PDSS2: variants seen among roughly 807,000 people sequenced by gnomAD.
The protein encoded by PDSS2 is decaprenyl diphosphate synthase subunit 2.
PDSS2 carries 31 observed loss-of-function variants against 44.5 expected under a neutral mutation model. The observed-to-expected ratio is 0.70, with a 90% CI of 0.52 to 0.94. The LOEUF is 0.94. Among genes scored for constraint, PDSS2 ranks in the 40% least tolerant of loss-of-function variants. PDSS2 has a pLI of 0.00. For missense variants in PDSS2, 452 were observed against 482.2 expected (o/e 0.94, Z 0.59); for synonymous variants, 157 against 180.3 (o/e 0.87, Z 1.03).
intron 1 of PDSS2, among the ~76,000 whole-genome samples, chr6:107,451,518 C>CTCG (rs1171990600): frequency 1.3e-5 from 2 of 152,156 alleles, no homozygotes; most frequent in Non-Finnish European, 2.9e-5. Context: ...GCATAAACCC[C>CTCG]TCGTAGCCTC....
chr6:107,282,884 AAG>A (rs1491239344), intron 2 of PDSS2, among the ~76,000 whole-genome samples: 36 of 150,366 alleles, frequency 2.4e-4, no homozygotes, highest in African/African-American at 8.7e-4. Flanking sequence ...AAAAAAAAAA[AAG>A]AAGAATTTTT....
intron 4 of PDSS2, among the ~76,000 whole-genome samples, chr6:107,220,498 A>T (rs766145488): frequency 6.6e-6 from 1 of 152,050 alleles, no homozygotes; most frequent in Non-Finnish European, 1.5e-5. Context: ...ATGTATATAT[A>T]TCAATATATA....
chr6:107,307,600 T>C (rs1776903242), intron 2 of PDSS2, among the ~76,000 whole-genome samples: 1 of 152,038 alleles, frequency 6.6e-6, no homozygotes, highest in Non-Finnish European at 1.5e-5. Flanking sequence ...AACTGTGCAA[T>C]GTCTTTATAC....
chr6:107,406,637 A>G (rs919098864), intron 1 of PDSS2, among the ~76,000 whole-genome samples: 2 of 152,248 alleles, frequency 1.3e-5, no homozygotes, highest in African/African-American at 4.8e-5. Context: ...CATAACTGAG[A>G]CTAGTGATAC....
At position 107,212,214 on chromosome 6, in the gene PDSS2, G is replaced by C; in HGVS notation, c.771C>G (p.Ala257=). 6.2e-7 allele frequency: 1 copy of C among 1,613,694 alleles called. No individual in the cohort carries two copies. Among genetic ancestry groups the C allele is most frequent in the Non-Finnish European group, 8.5e-7 (1 of 1,179,654 alleles). ...CAGCTTGGCAGCTCTTTGCTAGTAA[G>C]GCACCATGGGAGAGAAAAGTCTGCT... ...WKEQTFLSHG[A]LLAKSCQAAM... Residue 257 remains alanine (A), a synonymous_variant, in exon 5 of 8, where the codon GCC becomes GCG. Transcript: ENST00000369037.
intron 1 of PDSS2, among the ~76,000 whole-genome samples, chr6:107,407,069 A>G (rs376437685): frequency 6.6e-6 from 1 of 152,236 alleles, no homozygotes. Flanking sequence ...AGAGATGAAC[A>G]GATAAACAAA....
At chr6:107,378,930 C>T (rs1779373976) in intron 1 of PDSS2, among the ~76,000 whole-genome samples, 1 of 152,168 alleles carries the variant, frequency 6.6e-6, no homozygotes, top group Non-Finnish European at 1.5e-5. Context: ...TACATAAAAT[C>T]GCCATGATTT....
In PDSS2 at chr6:107,429,899, AAAATATATATATATATATATAT is replaced by A. The variant is rs1279629617; in HGVS notation, c.296+29069_296+29090del. ...AACTTAGTCTCAAAAAAAAAAAAAAAAAATATATATATATATATATATATATATATATATATATACACCAAAC... is the reference window on the plus strand; with the variant it reads ...AACTTAGTCTCAAAAAAAAAAAAAAAATATATATATATATATACACCAAAC... On this transcript the variant is annotated intron_variant, in intron 1 of 7. Coordinates refer to ENST00000369037, the MANE Select transcript of PDSS2 (RefSeq NM_020381.4). 3.4e-4 allele frequency among the ~76,000 whole-genome samples: 14 copies of A among 41,406 alleles called. No individual in the cohort carries two copies. In the East Asian group the frequency reaches 3.8e-3, roughly 11 times the overall value. 27.2% of individuals were successfully genotyped at this position (41,406 alleles called of 152,430 possible). A position where few individuals can be genotyped will look rare whatever the true frequency, so the allele number is the denominator to read the frequency against.
chr6:107,239,867 C>T (rs1225706880), intron 4 of PDSS2, among the ~76,000 whole-genome samples: 2 of 151,992 alleles, frequency 1.3e-5, no homozygotes, highest in African/African-American at 4.8e-5. Flanking sequence ...GTCTCGAACT[C>T]CTAACCTCAA....
chr6:107,272,940 T>TA (rs1262314864), intron 3 of PDSS2, among the ~76,000 whole-genome samples: 4 of 151,980 alleles, frequency 2.6e-5, no homozygotes, highest in Non-Finnish European at 5.9e-5. Flanking sequence ...TTATTTTTTT[T>TA]ATTTTTATTT....
chr6:107,455,396 A>T (rs144924783), intron 1 of PDSS2, among the ~76,000 whole-genome samples: 2 of 151,868 alleles, frequency 1.3e-5, no homozygotes, highest in East Asian at 3.9e-4. Flanking sequence ...GCAATACTAC[A>T]GCCCCTATCA....
chr6:107,260,042 A>G (rs1476410848), intron 3 of PDSS2, among the ~76,000 whole-genome samples: 2 of 152,196 alleles, frequency 1.3e-5, no homozygotes, highest in Non-Finnish European at 2.9e-5. Flanking sequence ...AATGACAACA[A>G]ACAATTTAAT....
intron 1 of PDSS2, among the ~76,000 whole-genome samples, chr6:107,352,897 ACT>A (rs2115341602): frequency 6.6e-6 from 1 of 152,120 alleles, no homozygotes; most frequent in African/African-American, 2.4e-5. Context: ...AGGTTGAGAA[ACT>A]CTGATTTAGA....
chr6:107,411,383 C>A (rs757887037), intron 1 of PDSS2, among the ~76,000 whole-genome samples: 12 of 152,194 alleles, frequency 7.9e-5, no homozygotes, highest in Non-Finnish European at 1.6e-4. Flanking sequence ...ACTGGACAAC[C>A]AAATGAGTTA....
intron 1 of PDSS2, among the ~76,000 whole-genome samples, chr6:107,458,257 G>C (rs1489935910): frequency 1.3e-5 from 2 of 151,074 alleles, no homozygotes; most frequent in Admixed American, 6.6e-5. Flanking sequence ...AGGCCGAGGC[G>C]GGTGGATCAC....
intron 7 of PDSS2, among the ~76,000 whole-genome samples, chr6:107,176,429 T>TAC (rs71012784): frequency 0.013 from 1,979 of 149,788 alleles, 21 homozygotes; most frequent in African/African-American, 0.036. Flanking sequence ...CACACACACA[T>TAC]ACACACACAC....
chr6:107,334,020 T>C (rs1314616323), intron 2 of PDSS2, among the ~76,000 whole-genome samples, 178 bp downstream of exon 2: 1 of 152,222 alleles, frequency 6.6e-6, no homozygotes, highest in African/African-American at 2.4e-5. Context: ...ACCAGAGTTA[T>C]GTGTAGAGTT....
At chr6:107,303,968 G>A (rs1490978676) in intron 2 of PDSS2, among the ~76,000 whole-genome samples, 1 of 152,154 alleles carries the variant, frequency 6.6e-6, no homozygotes, top group African/African-American at 2.4e-5. Context: ...ATAAGTCTCT[G>A]AAATAACAAG....
Position 107,197,263 on chromosome 6 carries a change from A to AG in PDSS2, c.1009-3410dup, listed in dbSNP as rs35169458. Among the ~76,000 whole-genome samples the AG allele has an allele frequency of 3.1e-3, 301 of 97,532 alleles. 3 individuals are homozygous for AG. Among genetic ancestry groups the AG allele is most frequent in the East Asian group, 0.011 (37 of 3,280 alleles). 64.0% of individuals were successfully genotyped at this position (97,532 alleles called of 152,430 possible). A position where few individuals can be genotyped will look rare whatever the true frequency, so the allele number is the denominator to read the frequency against. ...GGCATCTGAAGGTGGGGGTGGGGTA[A>AG]GGGGGGGGTGCAGTCTTGAGCCCTC... is the stretch of plus-strand genomic sequence containing the variant. On this transcript the variant is annotated intron_variant, in intron 6 of 7. Coordinates refer to ENST00000369037, the MANE Select transcript of PDSS2 (RefSeq NM_020381.4).
Sources: gnomAD v4.1 joint callset for allele counts (sites outside exome capture counted in the v4.1 genomes callset) on GRCh38, gnomAD v4.1.1 for gene constraint, MANE v1.5 for transcripts, NCBI Gene and HGNC (gene_info 2026-07-23, HGNC 2026-07-21) for gene names.